USP24: variants seen among roughly 807,000 people sequenced by gnomAD.
The protein encoded by USP24 is ubiquitin carboxyl-terminal hydrolase 24.
Under a neutral mutation model 361.6 loss-of-function variants are expected in USP24, and 97 were observed. The observed-to-expected ratio is 0.27, with a 90% confidence interval of 0.23 to 0.32. The LOEUF is 0.32. USP24 is among the 10% of genes least tolerant of loss of function. The pLI, the probability that USP24 is intolerant of heterozygous loss-of-function variation, is 1.00. For synonymous variants in USP24, 1,098 were observed against 1,124.6 expected (o/e 0.98, Z 0.47); for missense variants, 2,353 against 3,165.6 (o/e 0.74, Z 6.16).
chr1:55,101,826 G>T, intron 42 of USP24, 123 bp from the exon 43 acceptor site: 11 of 1,252,188 alleles, frequency 8.8e-6, no homozygotes, highest in Non-Finnish European at 1.2e-5. Flanking sequence ...TGTTATGAAA[G>T]CTATGCTGGC....
chr1:55,078,440 G>T, intron 61 of USP24, 98 bp downstream of exon 61: 1 of 786,024 alleles, frequency 1.3e-6, no homozygotes, highest in Non-Finnish European at 1.9e-6. Flanking sequence ...AACAACTTAG[G>T]CTATGAGAAC....
chr1:55,074,372 G>A lies in USP24; in HGVS notation c.7448-466C>T, dbSNP rs149815794. 4.4e-3 allele frequency among the ~76,000 whole-genome samples: 673 copies of A among 152,226 alleles called. 2 individuals are homozygous for A. The highest frequency in any genetic ancestry group is 0.016 in the African/African-American group (651 of 41,554). Reference sequence around the variant, plus strand: ...AAATAGGCCGGGCATGGTGGCTCACGCCTGTAATCCCTGCACTTTGGGAGG... The same window carrying A: ...AAATAGGCCGGGCATGGTGGCTCACACCTGTAATCCCTGCACTTTGGGAGG... On this transcript the variant is annotated intron_variant, in intron 63 of 67. Coordinates refer to ENST00000294383, the MANE Select transcript of USP24 (RefSeq NM_015306.3).
intron 32 of USP24, among the ~76,000 whole-genome samples, chr1:55,127,788 T>C (rs147153704): frequency 0.026 from 3,889 of 152,302 alleles, 61 homozygotes; most frequent in Non-Finnish European, 0.037. Context: ...TATCTCATTG[T>C]GGTTTTGATT....
intron 1 of USP24, among the ~76,000 whole-genome samples, chr1:55,179,569 G>C (rs907139569): frequency 6.6e-6 from 1 of 151,776 alleles, no homozygotes; most frequent in Non-Finnish European, 1.5e-5. Context: ...GTAAATCCTG[G>C]TCCCCTTCTT....
At chr1:55,163,191 G>GA (rs1332858429) in intron 7 of USP24, among the ~76,000 whole-genome samples, 1 of 151,602 alleles carries the variant, frequency 6.6e-6, no homozygotes, top group Non-Finnish European at 1.5e-5. Context: ...AGTATAAAAA[G>GA]AAAAAATATA....
Position 55,092,077 on chromosome 1 carries a change from T to G in USP24, c.6500A>C (p.Gln2167Pro), listed in dbSNP as rs1308919061. The G allele has an allele frequency of 1.2e-6, 2 of 1,612,932 alleles. No homozygotes were observed. Among genetic ancestry groups the G allele is most frequent in the Non-Finnish European group, 8.5e-7 (1 of 1,179,424 alleles). Residue 2167 changes from glutamine (Q) to proline (P), a missense_variant, in exon 54 of 68, where the codon CAG becomes CCG. Around this residue, in one of 8 missense-constraint regions of USP24, gnomAD observed 598 missense variants for 761.9 expected, o/e 0.78. Transcript: ENST00000294383. ...TTGAAAAAGGAATTGAATAGCAAGC[T>G]GTAAGCTCACCTTTGCCATGCAAGG... ...YYPCMAKVSL[Q>P]LAIQFLFQTY...
intron 54 of USP24, among the ~76,000 whole-genome samples, chr1:55,090,949 G>A (rs1645361259): frequency 6.6e-6 from 1 of 152,156 alleles, no homozygotes; most frequent in African/African-American, 2.4e-5. Flanking sequence ...GCCGGGTGTG[G>A]TGGCGCACGC....
chr1:55,194,117 A>C (rs1644358073), intron 1 of USP24, among the ~76,000 whole-genome samples: 1 of 152,242 alleles, frequency 6.6e-6, no homozygotes, highest in Admixed American at 6.5e-5. Context: ...AGGACTATCA[A>C]GTAAAACTTA....
At chr1:55,180,346 T>G (rs1643927073) in intron 1 of USP24, among the ~76,000 whole-genome samples, 2 of 152,166 alleles carry the variant, frequency 1.3e-5, no homozygotes, top group African/African-American at 4.8e-5. Context: ...TCCTGCAACA[T>G]GGACACCATG....
intron 56 of USP24, 64 bp downstream of exon 56, chr1:55,085,878 C>T: frequency 6.6e-7 from 1 of 1,511,198 alleles, no homozygotes; most frequent in Non-Finnish European, 9.1e-7. Context: ...TTTCTTATTA[C>T]CTGCAATTTA....
rs116120440 is a variant in USP24, at chr1:55,082,058, T to C, written c.6976-634A>G. On this transcript the variant is annotated intron_variant, in intron 58 of 67. Transcript: ENST00000294383. ...TCCACACACAGAGCACGTGATGCTG[T>C]CAGTACTTGTTTTTTTAACACTAAA... Among the ~76,000 whole-genome samples the C allele has an allele frequency of 3.9e-4, 60 of 152,322 alleles. 1 individual carries two copies. Among genetic ancestry groups the C allele is most frequent in the African/African-American group, 1.4e-3 (57 of 41,562 alleles).
intron 37 of USP24, among the ~76,000 whole-genome samples, chr1:55,121,235 G>A (rs1406044751): frequency 6.6e-6 from 1 of 152,112 alleles, no homozygotes. Flanking sequence ...ATAACTTTTG[G>A]TGGCATATGG....
At chr1:55,195,496 C>T (rs1644391285) in intron 1 of USP24, among the ~76,000 whole-genome samples, 1 of 152,190 alleles carries the variant, frequency 6.6e-6, no homozygotes, top group Non-Finnish European at 1.5e-5. Flanking sequence ...TACTCTGCCA[C>T]TGAATCTTGG....
chr1:55,212,823 TAGG>T (rs892281317), intron 1 of USP24, among the ~76,000 whole-genome samples: 4 of 152,156 alleles, frequency 2.6e-5, no homozygotes, highest in African/African-American at 9.7e-5. Context: ...TCCACAGGTC[TAGG>T]AGAAATGAGG....
At chr1:55,085,044 C>T (rs949208536) in intron 56 of USP24, among the ~76,000 whole-genome samples, 7 of 152,118 alleles carry the variant, frequency 4.6e-5, no homozygotes, top group Non-Finnish European at 8.8e-5. Context: ...CTGTCCTCAG[C>T]TGCTCCTGTG....
chr1:55,144,239 C>G (rs1372846064), intron 20 of USP24, 36 bp from the exon 21 acceptor site: 3 of 1,354,094 alleles, frequency 2.2e-6, no homozygotes, highest in Middle Eastern at 3.7e-4. Context: ...TTCATGTACT[C>G]TACGTAACAC....
At chr1:55,121,660 C>CATTT (rs1450198185) in intron 36 of USP24, among the ~76,000 whole-genome samples, 154 bp from the exon 37 acceptor site, 5 of 152,290 alleles carry the variant, frequency 3.3e-5, no homozygotes, top group African/African-American at 1.2e-4. Flanking sequence ...CATGCCTGTC[C>CATTT]ATTTACCCCA....
In USP24 at chr1:55,157,223, G is replaced by A. The variant is rs372026085; in HGVS notation, c.1342+33C>T. 5.1e-5 allele frequency: 75 copies of A among 1,464,796 alleles called. No individual in the cohort carries two copies. The African/African-American group carries it at 1.0e-3, about 20-fold the overall frequency. 90.7% of individuals were successfully genotyped at this position (1,464,796 alleles called of 1,614,324 possible). A position where few individuals can be genotyped will look rare whatever the true frequency, so the allele number is the denominator to read the frequency against. The stretch of plus-strand genomic sequence containing the variant: ...CAAAGATATATTATTTAAATTATGT[G>A]TTAGGTAATTTTTATTTTTGAAAGC... On this transcript the variant is annotated intron_variant, in intron 11 of 67. Transcript: ENST00000294383.
At chr1:55,084,174 G>A (rs543073441) in intron 56 of USP24, among the ~76,000 whole-genome samples, 106 of 152,264 alleles carry the variant, frequency 7.0e-4, no homozygotes, top group Non-Finnish European at 1.3e-3. Context: ...ATTTTCTCCA[G>A]AGCCAGTATC....
Sources: allele counts gnomAD v4.1 joint callset (sites outside exome capture counted in the v4.1 genomes callset), GRCh38; gene constraint gnomAD v4.1.1; regional missense constraint gnomAD v4.1.1; transcripts MANE v1.5; gene names NCBI Gene and HGNC (gene_info 2026-07-23, HGNC 2026-07-21).